Variants in TAFA1 observed in about 807,000 individuals in gnomAD.
TAFA1 encodes the protein TAFA chemokine like family member 1, also known as chemokine-like protein TAFA-1.
TAFA1 carries 4 observed loss-of-function variants against 18.5 expected under a neutral mutation model. That is an observed-to-expected ratio of 0.22 (90% confidence interval 0.11 to 0.49). The LOEUF (loss-of-function observed/expected upper bound fraction) is 0.49, where lower values mean the gene tolerates loss of function less well. Among genes scored for constraint, TAFA1 ranks in the 20% least tolerant of loss-of-function variants. The probability of loss-of-function intolerance (pLI) is 0.98; values close to 1 mark genes in which losing one functional copy is unlikely to be tolerated. For synonymous variants in TAFA1, 56 were observed against 55.2 expected (o/e 1.01, Z -0.06); for missense variants, 147 against 169.0 (o/e 0.87, Z 0.72).
chr3:68,486,291 C>A (rs951749856), intron 3 of TAFA1, among the ~76,000 whole-genome samples: 8 of 151,806 alleles, frequency 5.3e-5, no homozygotes, highest in African/African-American at 1.9e-4. Flanking sequence ...GCAGCCTGAA[C>A]AACTAGTTAC....
intron 2 of TAFA1, among the ~76,000 whole-genome samples, chr3:68,297,838 T>C (rs2068237936): frequency 6.6e-6 from 1 of 152,178 alleles, no homozygotes. Flanking sequence ...CTTTGTAAGT[T>C]AATATTCTAT....
chr3:68,348,895 G>A (rs9834571), intron 2 of TAFA1, among the ~76,000 whole-genome samples: 5,056 of 152,000 alleles, frequency 0.033, 282 homozygotes, highest in African/African-American at 0.12. Flanking sequence ...TATTAAAGAG[G>A]GGGTTGGGGC....
intron 2 of TAFA1, among the ~76,000 whole-genome samples, chr3:68,172,162 C>T (rs530802123): frequency 1.8e-4 from 28 of 152,262 alleles, no homozygotes; most frequent in African/African-American, 6.5e-4. Flanking sequence ...TATAAGTCAT[C>T]GCCAAACTGT....
chr3:68,485,978 A>G (rs2072328701), intron 3 of TAFA1, among the ~76,000 whole-genome samples: 1 of 152,070 alleles, frequency 6.6e-6, no homozygotes, highest in Non-Finnish European at 1.5e-5. Context: ...CCTAGGCTGG[A>G]GTGCAGTGGT....
chr3:68,016,564 C>A (rs2106787843), intron 2 of TAFA1, among the ~76,000 whole-genome samples: 1 of 152,242 alleles, frequency 6.6e-6, no homozygotes, highest in Non-Finnish European at 1.5e-5. Context: ...AGCTTAGGAG[C>A]AATAATCTAT....
At chr3:68,382,104 C>T (rs931421296) in intron 2 of TAFA1, among the ~76,000 whole-genome samples, 1 of 152,150 alleles carries the variant, frequency 6.6e-6, no homozygotes, top group East Asian at 1.9e-4. Flanking sequence ...TGTGTTGAAC[C>T]AGCCTTGCAT....
chr3:68,253,621 T>C (rs1047318585), intron 2 of TAFA1, among the ~76,000 whole-genome samples: 1 of 152,172 alleles, frequency 6.6e-6, no homozygotes, highest in Non-Finnish European at 1.5e-5. Flanking sequence ...TGGTGATGCA[T>C]GGCAGGTGAT....
chr3:68,366,108 AC>A (rs1189908863), intron 2 of TAFA1, among the ~76,000 whole-genome samples: 1 of 151,068 alleles, frequency 6.6e-6, no homozygotes, highest in African/African-American at 2.4e-5. Flanking sequence ...AAAAAAAGAA[AC>A]CATCAGATCT....
intron 3 of TAFA1, among the ~76,000 whole-genome samples, chr3:68,486,536 T>G (rs34544453): frequency 6.6e-6 from 1 of 152,082 alleles, no homozygotes; most frequent in Non-Finnish European, 1.5e-5. Context: ...AGCACTGTGA[T>G]TTGTGGAACG....
At chr3:68,037,153 G>A (rs1705068712) in intron 2 of TAFA1, among the ~76,000 whole-genome samples, 2 of 152,128 alleles carry the variant, frequency 1.3e-5, no homozygotes, top group Admixed American at 1.3e-4. Flanking sequence ...CTTGTTTCCA[G>A]GCAGAGAAGG....
At chr3:68,028,499 A>G (rs1704864442) in intron 2 of TAFA1, among the ~76,000 whole-genome samples, 1 of 152,154 alleles carries the variant, frequency 6.6e-6, no homozygotes, top group African/African-American at 2.4e-5. Flanking sequence ...GGCTTAAAGC[A>G]ATAGAAATTT....
At chr3:68,139,213 A>C (rs1029345468) in intron 2 of TAFA1, among the ~76,000 whole-genome samples, 4 of 152,212 alleles carry the variant, frequency 2.6e-5, no homozygotes, top group Non-Finnish European at 2.9e-5. Flanking sequence ...AAACATTGAC[A>C]TACCGAATAT....
intron 3 of TAFA1, among the ~76,000 whole-genome samples, chr3:68,532,498 A>T (rs2073205784): frequency 6.6e-6 from 1 of 151,986 alleles, no homozygotes; most frequent in African/African-American, 2.4e-5. Flanking sequence ...ACTAATGTAG[A>T]TTTCTTGTTT....
At chr3:68,049,111 T>C (rs2064433710) in intron 2 of TAFA1, among the ~76,000 whole-genome samples, 1 of 152,204 alleles carries the variant, frequency 6.6e-6, no homozygotes. Flanking sequence ...TCTAGGGGGA[T>C]ACCAATCATA....
At chr3:68,304,865 G>A (rs189068177) in intron 2 of TAFA1, among the ~76,000 whole-genome samples, 2 of 152,156 alleles carry the variant, frequency 1.3e-5, no homozygotes, top group Admixed American at 6.5e-5. Flanking sequence ...TTCATTTTTC[G>A]TGTGTGTTTT....
intron 2 of TAFA1, among the ~76,000 whole-genome samples, chr3:68,144,549 ATTTG>A (rs1413299276): frequency 1.3e-5 from 2 of 152,214 alleles, no homozygotes; most frequent in Non-Finnish European, 2.9e-5. Flanking sequence ...TATGAAAATT[ATTTG>A]TTAATATGAT....
chr3:68,423,194 AAAT>A (rs1249960530), intron 3 of TAFA1, among the ~76,000 whole-genome samples: 3 of 152,084 alleles, frequency 2.0e-5, no homozygotes, highest in African/African-American at 7.2e-5. Flanking sequence ...ATAATAATAA[AAAT>A]AATGTTTACC....
chr3:68,446,074 C>A (rs1254742514), intron 3 of TAFA1, among the ~76,000 whole-genome samples: 1 of 151,858 alleles, frequency 6.6e-6, no homozygotes, highest in African/African-American at 2.4e-5. Flanking sequence ...GCTAATTTTT[C>A]TTTTTAATTT....
At chr3:68,384,602 G>A (rs933286901) in intron 2 of TAFA1, among the ~76,000 whole-genome samples, 1 of 152,018 alleles carries the variant, frequency 6.6e-6, no homozygotes, top group African/African-American at 2.4e-5. Flanking sequence ...ATTGATTTTA[G>A]AGTAAGTACC....
Sources: allele counts gnomAD v4.1 joint callset (sites outside exome capture counted in the v4.1 genomes callset), GRCh38; gene constraint gnomAD v4.1.1; transcripts MANE v1.5; gene names NCBI Gene and HGNC (gene_info 2026-07-23, HGNC 2026-07-21).